OPCML: variants seen among roughly 807,000 people sequenced by gnomAD.
OPCML encodes opioid-binding protein/cell adhesion molecule.
In OPCML, 13 loss-of-function variants were observed where a neutral mutation model predicts 37.8. The ratio of observed to expected loss-of-function variants is 0.34; its 90% CI spans 0.22 to 0.55. The LOEUF (loss-of-function observed/expected upper bound fraction) is 0.55, where lower values mean the gene tolerates loss of function less well. OPCML is among the 20% of genes least tolerant of loss of function. OPCML has a pLI of 0.91. For synonymous variants in OPCML, 176 were observed against 168.8 expected (o/e 1.04, Z -0.33); for missense variants, 341 against 435.6 (o/e 0.78, Z 1.93).
At chr11:133,398,238 G>T (rs192019161) in intron 1 of OPCML, among the ~76,000 whole-genome samples, 49 of 152,270 alleles carry the variant, frequency 3.2e-4, no homozygotes, top group African/African-American at 1.2e-3. Flanking sequence ...TTCAAGCCTC[G>T]TCTCTGATCT....
chr11:133,427,939 G>A (rs1946036327), intron 1 of OPCML, among the ~76,000 whole-genome samples: 1 of 152,006 alleles, frequency 6.6e-6, no homozygotes, highest in South Asian at 2.1e-4. Context: ...TTCTATCCTG[G>A]AACAAGACAA....
intron 1 of OPCML, among the ~76,000 whole-genome samples, chr11:133,198,672 G>A (rs1938635678): frequency 6.6e-6 from 1 of 152,232 alleles, no homozygotes; most frequent in African/African-American, 2.4e-5. Flanking sequence ...CTAGCATGTG[G>A]ATTTTACAGA....
intron 1 of OPCML, among the ~76,000 whole-genome samples, chr11:133,380,188 C>T (rs1276776972): frequency 1.3e-5 from 2 of 152,054 alleles, no homozygotes; most frequent in African/African-American, 4.8e-5. Context: ...ATGGTATCAT[C>T]AGAGAGGATG....
At chr11:133,314,743 C>T (rs1465779346) in intron 1 of OPCML, among the ~76,000 whole-genome samples, 1 of 152,150 alleles carries the variant, frequency 6.6e-6, no homozygotes, top group Non-Finnish European at 1.5e-5. Context: ...CTGGCCAGGA[C>T]GCTAAGGCTC....
intron 1 of OPCML, among the ~76,000 whole-genome samples, chr11:133,144,992 G>C (rs968175841): frequency 6.6e-6 from 1 of 152,190 alleles, no homozygotes; most frequent in African/African-American, 2.4e-5. Context: ...GAGGTAACCT[G>C]GGCTCTTAGC....
At chr11:133,226,307 T>C (rs1940032162) in intron 1 of OPCML, among the ~76,000 whole-genome samples, 1 of 152,256 alleles carries the variant, frequency 6.6e-6, no homozygotes, top group African/African-American at 2.4e-5. Context: ...GGAGCTATAA[T>C]CTGTGGTTCT....
chr11:132,481,831 A>T (rs1163880193), intron 4 of OPCML, among the ~76,000 whole-genome samples: 7 of 150,982 alleles, frequency 4.6e-5, no homozygotes, highest in African/African-American at 1.7e-4. Context: ...TGGGTACATA[A>T]CGAAATGAAG....
chr11:133,061,038 T>C (rs1353656404), intron 1 of OPCML, among the ~76,000 whole-genome samples: 1 of 152,242 alleles, frequency 6.6e-6, no homozygotes, highest in African/African-American at 2.4e-5. Context: ...TATTTTCATG[T>C]TTATTTTTAG....
chr11:133,227,885 G>A (rs1290790939), intron 1 of OPCML, among the ~76,000 whole-genome samples: 2 of 152,194 alleles, frequency 1.3e-5, no homozygotes, highest in African/African-American at 4.8e-5. Context: ...GCTGGGCCCT[G>A]TGACCACATG....
Position 133,205,543 on chromosome 11 carries a change from G to T in OPCML, c.62-262533C>A, listed in dbSNP as rs1565502703. Among the ~76,000 whole-genome samples the T allele has an allele frequency of 6.6e-6, 1 of 152,182 alleles. No homozygotes were observed. The highest frequency in any genetic ancestry group is 1.5e-5 in the Non-Finnish European group (1 of 68,042). On this transcript the variant is annotated intron_variant, in intron 1 of 7. Coordinates refer to ENST00000524381, the MANE Select transcript of OPCML (RefSeq NM_001012393.5). The surrounding 1 kb of genome is among the most constrained non-coding windows in gnomAD (Gnocchi z 4.8). Reference sequence around the variant, plus strand: ...CTGTGGGCTGAGCCTCACCCTATGGGGACTGACGCCGTCTCCAGGTAGACA... The same window carrying T: ...CTGTGGGCTGAGCCTCACCCTATGGTGACTGACGCCGTCTCCAGGTAGACA...
In OPCML at chr11:132,660,739, T is replaced by C. The variant is rs760953760; in HGVS notation, c.147-3420A>G. Among the ~76,000 whole-genome samples the C allele has an allele frequency of 7.9e-4, 121 of 152,302 alleles. 1 individual carries two copies. Among genetic ancestry groups the C allele is most frequent in the Non-Finnish European group, 1.7e-3 (114 of 68,022 alleles). ...CCTGATGCAATCAGGTGCCATTGCCTTTAGTGCCCTGCTTTGCTTCTGTGG... is the reference window on the plus strand; with the variant it reads ...CCTGATGCAATCAGGTGCCATTGCCCTTAGTGCCCTGCTTTGCTTCTGTGG... On this transcript the variant is annotated intron_variant, in intron 2 of 7. Transcript: ENST00000524381.
chr11:132,916,416 G>A (rs930837973), intron 2 of OPCML, among the ~76,000 whole-genome samples: 1 of 152,176 alleles, frequency 6.6e-6, no homozygotes, highest in African/African-American at 2.4e-5. Flanking sequence ...TTCTACTGTG[G>A]ATGCGCTGGC....
intron 4 of OPCML, among the ~76,000 whole-genome samples, chr11:132,453,302 A>G (rs953821665): frequency 2.0e-5 from 3 of 152,192 alleles, no homozygotes; most frequent in African/African-American, 7.2e-5. Context: ...CCCTTGACAA[A>G]TAATTATCTG....
chr11:133,140,188 A>G (rs1949747829), intron 1 of OPCML, among the ~76,000 whole-genome samples: 1 of 130,472 alleles, frequency 7.7e-6, no homozygotes, highest in Non-Finnish European at 1.6e-5. Flanking sequence ...CTCCGTCTCA[A>G]TAATAATAAT....
intron 2 of OPCML, among the ~76,000 whole-genome samples, chr11:132,861,019 G>T (rs1250200747): frequency 6.6e-6 from 1 of 152,196 alleles, no homozygotes; most frequent in East Asian, 1.9e-4. Flanking sequence ...GCCACGATTT[G>T]CCAGGGACTT....
At chr11:132,422,141 C>T (rs552830888) in intron 7 of OPCML, among the ~76,000 whole-genome samples, 23 of 151,926 alleles carry the variant, frequency 1.5e-4, no homozygotes, top group Admixed American at 1.4e-3. Flanking sequence ...ATATATATGT[C>T]TTTGTCTAAT....
At chr11:133,501,806 A>AGGC in intron 1 of OPCML, among the ~76,000 whole-genome samples, 1 of 151,984 alleles carries the variant, frequency 6.6e-6, no homozygotes, top group East Asian at 1.9e-4. Context: ...AGGGCACTCC[A>AGGC]GGCCTCTGAG....
rs961259954 is a variant in OPCML at position 132,653,718 on chromosome 11, T to C, written c.379+3369A>G. Among the ~76,000 whole-genome samples the C allele has an allele frequency of 3.4e-4, 52 of 152,212 alleles. 1 individual carries two copies. The highest frequency in any genetic ancestry group is 5.3e-4 in the Non-Finnish European group (36 of 67,996). ...GCAGGCAGGAAAGTTGGTGGCAGAGTGTCTCTCAGGCGCTCCCATGGCAGG... is the reference window on the plus strand; with the variant it reads ...GCAGGCAGGAAAGTTGGTGGCAGAGCGTCTCTCAGGCGCTCCCATGGCAGG... On this transcript the variant is annotated intron_variant, in intron 3 of 7. Coordinates refer to ENST00000524381, the MANE Select transcript of OPCML (RefSeq NM_001012393.5).
intron 1 of OPCML, among the ~76,000 whole-genome samples, chr11:132,979,006 ACTT>A (rs1946526167): frequency 6.6e-6 from 1 of 152,044 alleles, no homozygotes; most frequent in Non-Finnish European, 1.5e-5. Flanking sequence ...ACAAATGTCA[ACTT>A]CTTCTTTTCA....
Sources: gnomAD v4.1 joint callset for allele counts (sites outside exome capture counted in the v4.1 genomes callset) on GRCh38, gnomAD v4.1.1 for gene constraint, Gnocchi (gnomAD v3.1) non-coding constraint, MANE v1.5 for transcripts, NCBI Gene and HGNC (gene_info 2026-07-23, HGNC 2026-07-21) for gene names.